Variants in PCDH15 observed in about 807,000 individuals in gnomAD.
PCDH15 encodes the protein protocadherin-15.
PCDH15 carries 129 observed loss-of-function variants against 178.5 expected under a neutral mutation model. The observed-to-expected ratio is 0.72, with a 90% CI of 0.63 to 0.84. PCDH15 has a LOEUF of 0.84. PCDH15 is among the 40% of genes least tolerant of loss of function. The pLI is 0.00. For synonymous variants in PCDH15, 800 were observed against 732.0 expected (o/e 1.09, Z -1.50); for missense variants, 2,230 against 2,099.9 (o/e 1.06, Z -1.21).
At chr10:53,836,396 G>A (rs1164601911) in intron 29 of PCDH15, among the ~76,000 whole-genome samples, 1 of 152,114 alleles carries the variant, frequency 6.6e-6, no homozygotes, top group Non-Finnish European at 1.5e-5. Context: ...GCAAGGAGGA[G>A]CAGTCTAACA....
At chr10:55,406,120 G>A (rs906531895) in intron 2 of PCDH15, among the ~76,000 whole-genome samples, 1 of 151,730 alleles carries the variant, frequency 6.6e-6, no homozygotes, top group Admixed American at 6.6e-5. Context: ...TCATGTAATG[G>A]AAAAGAGGCT....
At chr10:54,505,572 C>A (rs2081096273) in intron 3 of PCDH15, among the ~76,000 whole-genome samples, 3 of 151,938 alleles carry the variant, frequency 2.0e-5, no homozygotes, top group African/African-American at 7.3e-5. Context: ...CGCATGTTCT[C>A]ACTCATAAGT....
At chr10:53,823,549 A>T in intron 32 of PCDH15, 1 of 712,272 alleles carries the variant, frequency 1.4e-6, no homozygotes, top group East Asian at 2.6e-5. Context: ...AAAATCTTAG[A>T]GTTGTGAGAA....
intron 2 of PCDH15, among the ~76,000 whole-genome samples, chr10:55,617,720 G>T (rs911360667): frequency 1.3e-5 from 2 of 151,910 alleles, no homozygotes; most frequent in African/African-American, 2.4e-5. Flanking sequence ...TTATCTGTCT[G>T]AAAATGATCT....
chr10:55,350,717 A>T (rs1381887040), intron 2 of PCDH15, among the ~76,000 whole-genome samples: 1 of 152,102 alleles, frequency 6.6e-6, no homozygotes, highest in East Asian at 1.9e-4. Context: ...TCATGTTATT[A>T]AACCTAAATA....
At chr10:54,266,823 T>C (rs768087181) in intron 8 of PCDH15, among the ~76,000 whole-genome samples, 55 of 151,910 alleles carry the variant, frequency 3.6e-4, no homozygotes, top group South Asian at 2.5e-3. Context: ...CGGGACTAGA[T>C]GAATTCATAG....
chr10:55,295,884 C>T (rs1843119459), intron 1 of PCDH15, among the ~76,000 whole-genome samples: 1 of 151,924 alleles, frequency 6.6e-6, no homozygotes, highest in Admixed American at 6.6e-5. Flanking sequence ...CACAACATTT[C>T]CCCACACTTC....
chr10:55,254,902 C>T (rs975112195), intron 1 of PCDH15, among the ~76,000 whole-genome samples: 1 of 151,906 alleles, frequency 6.6e-6, no homozygotes, highest in Non-Finnish European at 1.5e-5. Flanking sequence ...CCTTACATCT[C>T]ATGTCATAGG....
intron 3 of PCDH15, among the ~76,000 whole-genome samples, chr10:54,412,633 T>G (rs1388227251): frequency 6.6e-6 from 1 of 152,198 alleles, no homozygotes; most frequent in Non-Finnish European, 1.5e-5. Flanking sequence ...CATTAATGAC[T>G]GTTACTGGCT....
chr10:54,388,279 C>T (rs1177247086), intron 3 of PCDH15, among the ~76,000 whole-genome samples: 1 of 152,164 alleles, frequency 6.6e-6, no homozygotes, highest in Admixed American at 6.5e-5. Flanking sequence ...TTAGTCAGAA[C>T]AATAGTTGAG....
intron 1 of PCDH15, among the ~76,000 whole-genome samples, chr10:54,776,465 A>T (rs771338883): frequency 6.6e-6 from 1 of 152,036 alleles, no homozygotes; most frequent in Non-Finnish European, 1.5e-5. Flanking sequence ...CAAGCAGTTC[A>T]TACCTGTAGC....
intron 1 of PCDH15, among the ~76,000 whole-genome samples, chr10:54,668,801 A>C (rs2094611736): frequency 6.6e-6 from 1 of 152,174 alleles, no homozygotes; most frequent in Non-Finnish European, 1.5e-5. Flanking sequence ...ACACACCGTC[A>C]TTACTTTGAT....
exon 2 of PCDH15, chr10:55,627,727 A>C (rs1837561896): frequency 6.6e-6 from 1 of 152,078 alleles, no homozygotes; most frequent in Non-Finnish European, 1.5e-5. Flanking sequence ...TCCCGCAGAG[A>C]GCTCCTGCCA....
intron 2 of PCDH15, among the ~76,000 whole-genome samples, chr10:55,511,237 CT>C (rs984628173): frequency 2.0e-5 from 3 of 146,466 alleles, no homozygotes; most frequent in African/African-American, 7.5e-5. Flanking sequence ...CCAAAAGCCA[CT>C]TTGGAAAGAA....
chr10:54,110,102 T>G (rs903062838), intron 15 of PCDH15, among the ~76,000 whole-genome samples: 1 of 152,132 alleles, frequency 6.6e-6, no homozygotes, highest in Non-Finnish European at 1.5e-5. Context: ...AATAAGTTTG[T>G]CTGCGTGGTT....
chr10:54,858,777 A>G (rs1303610479), intron 3 of PCDH15, among the ~76,000 whole-genome samples: 1 of 152,064 alleles, frequency 6.6e-6, no homozygotes, highest in South Asian at 2.1e-4. Context: ...ATGCATAACT[A>G]TATAATTTAT....
rs114172830 is a variant in PCDH15 at position 55,347,551 on chromosome 10, G to C, written c.-155-180900C>G. 5.6e-3 allele frequency among the ~76,000 whole-genome samples: 849 copies of C among 152,132 alleles called. 10 individuals carry two copies. Among genetic ancestry groups the C allele is most frequent in the African/African-American group, 0.02 (810 of 41,524 alleles). ...TTTTAGGACAAAAATTAGTGGTTTA[G>C]TTCTACACATGTACTTCAGCAATAG... On this transcript the variant is annotated intron_variant, in intron 2 of 5. Transcript: ENST00000613346.
chr10:54,328,430 G>T (rs951168432), intron 7 of PCDH15, among the ~76,000 whole-genome samples: 82 of 151,868 alleles, frequency 5.4e-4, no homozygotes, highest in Non-Finnish European at 7.4e-5. Context: ...ATCTTGCTAA[G>T]AAAAGAAAAA....
intron 2 of PCDH15, among the ~76,000 whole-genome samples, chr10:55,340,050 T>C (rs893249852): frequency 7.2e-5 from 11 of 151,830 alleles, no homozygotes; most frequent in African/African-American, 2.2e-4. Flanking sequence ...TTAATTGAAT[T>C]GTATATTTTT....
Sources: gnomAD v4.1 joint callset for allele counts (sites outside exome capture counted in the v4.1 genomes callset) on GRCh38, gnomAD v4.1.1 for gene constraint, MANE v1.5 for transcripts, NCBI Gene and HGNC (gene_info 2026-07-23, HGNC 2026-07-21) for gene names.